SAXO1: variants seen among roughly 807,000 people sequenced by gnomAD.
SAXO1 encodes the protein stabilizer of axonemal microtubules 1, also known as 4930500O09Rik.
SAXO1 carries 21 observed loss-of-function variants against 17.5 expected under a neutral mutation model. That is an observed-to-expected ratio of 1.20 (90% confidence interval 0.85 to 1.72). The LOEUF (loss-of-function observed/expected upper bound fraction) is 1.72, where lower values mean the gene tolerates loss of function less well. Ranked by LOEUF, SAXO1 falls within the 40% of genes most tolerant of loss-of-function variation. The pLI is 0.00. For synonymous variants in SAXO1, 274 were observed against 216.5 expected (o/e 1.27, Z -2.33); for missense variants, 843 against 596.0 (o/e 1.41, Z -4.32).
At chr9:19,003,065 G>A (rs1294278974) in intron 1 of SAXO1, among the ~76,000 whole-genome samples, 3 of 152,124 alleles carry the variant, frequency 2.0e-5, no homozygotes, top group African/African-American at 4.8e-5. Context: ...CAAAATCAAT[G>A]TGCAAAAATC....
At chr9:19,018,975 G>A (rs185334996) in intron 1 of SAXO1, among the ~76,000 whole-genome samples, 1 of 152,244 alleles carries the variant, frequency 6.6e-6, no homozygotes, top group Non-Finnish European at 1.5e-5. Flanking sequence ...CAGGCTTGGT[G>A]GCGGGCACCT....
At chr9:18,936,398 G>A (rs1286822077) in intron 3 of SAXO1, among the ~76,000 whole-genome samples, 1 of 152,038 alleles carries the variant, frequency 6.6e-6, no homozygotes, top group Non-Finnish European at 1.5e-5. Context: ...CTGAAACGGA[G>A]GCATCTACCT....
At chr9:18,974,965 G>A (rs952520113) in intron 1 of SAXO1, among the ~76,000 whole-genome samples, 1 of 152,166 alleles carries the variant, frequency 6.6e-6, no homozygotes, top group Non-Finnish European at 1.5e-5. Flanking sequence ...CTTTACAGTG[G>A]AGAAATCTGG....
intron 1 of SAXO1, among the ~76,000 whole-genome samples, chr9:19,001,147 G>C (rs1196419021): frequency 6.6e-6 from 1 of 152,162 alleles, no homozygotes. Context: ...ATTCTTCTCA[G>C]CATTACATCA....
At chr9:19,035,243 G>A (rs1835906402), upstream of SAXO1, among the ~76,000 whole-genome samples, 1 of 152,196 alleles carries the variant, frequency 6.6e-6, no homozygotes, top group Non-Finnish European at 1.5e-5. Flanking sequence ...CCCAGTGGGA[G>A]ATAATTTGAA....
chr9:19,045,292 G>A lies in SAXO1; in HGVS notation c.-158+3917C>T, dbSNP rs538530665. On this transcript the variant is annotated intron_variant, in intron 1 of 3. Coordinates refer to the SAXO1 transcript ENST00000542071. Reference sequence around the variant, plus strand: ...GCCACTGCAGTCCGCAGTCCGGCCTGGGCGACAGAGCGAGACTCCGTCTCA... The same window carrying A: ...GCCACTGCAGTCCGCAGTCCGGCCTAGGCGACAGAGCGAGACTCCGTCTCA... 2.9e-3 allele frequency among the ~76,000 whole-genome samples: 381 copies of A among 132,940 alleles called. 1 individual carries two copies. The highest frequency in any genetic ancestry group is 4.9e-3 in the Non-Finnish European group (313 of 64,336). 87.2% of individuals were successfully genotyped at this position (132,940 alleles called of 152,430 possible).
intron 3 of SAXO1, among the ~76,000 whole-genome samples, chr9:18,940,695 C>G (rs893513531): frequency 6.6e-6 from 1 of 152,214 alleles, no homozygotes; most frequent in African/African-American, 2.4e-5. Context: ...AACCTGGTCT[C>G]CAGTCTCATG....
chr9:19,029,398 C>T (rs552672399), intron 1 of SAXO1, among the ~76,000 whole-genome samples: 40 of 152,308 alleles, frequency 2.6e-4, no homozygotes, highest in African/African-American at 9.1e-4. Context: ...CCCGGTCTCC[C>T]CCTCCCACTC....
intron 3 of SAXO1, among the ~76,000 whole-genome samples, chr9:18,938,578 C>T (rs949749641): frequency 7.9e-5 from 12 of 152,178 alleles, no homozygotes; most frequent in African/African-American, 2.6e-4. Context: ...ATACAATCAC[C>T]TCTCACCAGG....
intron 1 of SAXO1, among the ~76,000 whole-genome samples, chr9:18,952,339 A>T (rs915239440): frequency 6.6e-6 from 1 of 152,220 alleles, no homozygotes; most frequent in African/African-American, 2.4e-5. Flanking sequence ...GGGGAAGTAC[A>T]TGGGGGAAGG....
chr9:18,937,349 G>C (rs912193205), intron 3 of SAXO1, among the ~76,000 whole-genome samples: 1 of 152,124 alleles, frequency 6.6e-6, no homozygotes, highest in African/African-American at 2.4e-5. Context: ...TGTAAACAAT[G>C]GTTCAGAACC....
At chr9:19,031,287 C>G (rs1450903693) in intron 1 of SAXO1, among the ~76,000 whole-genome samples, 1 of 152,204 alleles carries the variant, frequency 6.6e-6, no homozygotes, top group Non-Finnish European at 1.5e-5. Context: ...GAAAGAAGGC[C>G]TTAGTGGCTC....
intron 1 of SAXO1, among the ~76,000 whole-genome samples, chr9:19,014,731 T>C (rs1264582521): frequency 1.3e-5 from 2 of 152,236 alleles, no homozygotes; most frequent in East Asian, 1.9e-4. Flanking sequence ...CACAGCTTTG[T>C]CACAGGTATT....
At chr9:18,963,323 T>G (rs1832568898) in intron 1 of SAXO1, among the ~76,000 whole-genome samples, 1 of 152,230 alleles carries the variant, frequency 6.6e-6, no homozygotes, top group Non-Finnish European at 1.5e-5. Flanking sequence ...TAAAGTCGTT[T>G]TTTCTAATTC....
At position 18,928,604 on chromosome 9, in the gene SAXO1, G is replaced by A. The variant is rs1830889361; in HGVS notation, c.873C>T (p.Pro291=). The A allele has an allele frequency of 6.2e-7, 1 of 1,614,048 alleles. No individual in the cohort carries two copies. Among genetic ancestry groups the A allele is most frequent in the African/African-American group, 1.3e-5 (1 of 74,906 alleles). Residue 291 remains proline (P), a synonymous_variant, in exon 4 of 4, where the codon CCC becomes CCT. Coordinates refer to ENST00000380534, the MANE Select transcript of SAXO1 (RefSeq NM_153707.4). ...WPMPRMFSKA[P]ITYVPPEDRM... ...TGTCTTCGGGAGGGACGTAGGTGAT[G>A]GGAGCTTTGGAGAACATCCGGGGCA...
chr9:19,004,105 T>C (rs573289156), intron 1 of SAXO1, among the ~76,000 whole-genome samples: 13 of 152,266 alleles, frequency 8.5e-5, no homozygotes, highest in African/African-American at 2.2e-4. Context: ...AAAGAAGATA[T>C]TTATGCAGCC....
chr9:18,962,892 G>C (rs969031784), intron 1 of SAXO1, among the ~76,000 whole-genome samples: 2 of 152,170 alleles, frequency 1.3e-5, no homozygotes, highest in Admixed American at 6.5e-5. Context: ...GTCCTGAATG[G>C]TATTAGCTAG....
At chr9:19,021,700 G>T (rs1215962401) in intron 1 of SAXO1, among the ~76,000 whole-genome samples, 2 of 152,234 alleles carry the variant, frequency 1.3e-5, no homozygotes, top group Non-Finnish European at 2.9e-5. Context: ...CTGAGCTTCT[G>T]GGTCAGGTGG....
intron 1 of SAXO1, among the ~76,000 whole-genome samples, chr9:19,002,976 C>G (rs1023365972): frequency 1.3e-5 from 2 of 152,058 alleles, no homozygotes; most frequent in Non-Finnish European, 2.9e-5. Flanking sequence ...TATGACATGA[C>G]TATATATTTA....
Sources: allele counts gnomAD v4.1 joint callset (sites outside exome capture counted in the v4.1 genomes callset), GRCh38; gene constraint gnomAD v4.1.1; transcripts MANE v1.5; gene names NCBI Gene and HGNC (gene_info 2026-07-23, HGNC 2026-07-21).